Variants in B2M observed in about 807,000 individuals in gnomAD.
B2M encodes beta chain of MHC class I molecules.
Under a neutral mutation model 14.5 loss-of-function variants are expected in B2M, and 3 were observed. The ratio of observed to expected loss-of-function variants is 0.21; its 90% confidence interval spans 0.09 to 0.53. The LOEUF is 0.53. Ranked by LOEUF, B2M falls within the 20% of genes least tolerant of loss-of-function variation. The probability of loss-of-function intolerance (pLI) is 0.95; values close to 1 mark genes in which losing one functional copy is unlikely to be tolerated. For synonymous variants in B2M, 45 were observed against 52.7 expected, an observed-to-expected ratio of 0.85 and a Z score of 0.64; for missense variants, 107 against 140.8, an observed-to-expected ratio of 0.76 and a Z score of 1.21.
chr15:44,715,922 A>G, intron 2 of B2M: 1 of 665,188 alleles, frequency 1.5e-6, no homozygotes, highest in South Asian at 1.8e-5. Flanking sequence ...TTTCTGAACC[A>G]GTAGTTTCCC....
chr15:44,715,502 G>A lies in B2M; in HGVS notation c.147G>A (p.Gly49=), dbSNP rs768464174. 2.5e-6 allele frequency: 4 copies of A among 1,614,134 alleles called. No individual in the cohort carries two copies. The South Asian group carries it at 4.4e-5, about 18-fold the overall frequency. The part of the protein sequence containing the change: ...KSNFLNCYVS[G]FHPSDIEVDL... ...ATTTCCTGAATTGCTATGTGTCTGG[G>A]TTTCATCCATCCGACATTGAAGTTG... Residue 49 remains glycine (G), a synonymous_variant, in exon 2 of 4, where the codon GGG becomes GGA. Transcript: ENST00000648006.
chr15:44,717,705 G>A lies in B2M; in HGVS notation c.*113G>A, dbSNP rs576157768. 6.6e-6 allele frequency: 1 copy of A among 152,200 alleles called. No homozygotes were observed. The highest frequency in any genetic ancestry group is 1.5e-5 in the Non-Finnish European group (1 of 68,072). The allele number at this position is 152,200 out of a possible 1,614,324, so 9.4% of individuals were successfully genotyped here. A position where few individuals can be genotyped will look rare whatever the true frequency, so the allele number is the denominator to read the frequency against. On this transcript the variant is annotated 3_prime_UTR_variant, in exon 4 of 4. Transcript: ENST00000648006. ...TACACTTACACTTTATGCACAAAAT[G>A]TAGGGTTATAATAATGTTAACATGG... is the stretch of plus-strand genomic sequence containing the variant.
At chr15:44,714,958 CAG>C (rs1039527370) in intron 1 of B2M, 1 of 209,968 alleles carries the variant, frequency 4.8e-6, no homozygotes, top group East Asian at 1.3e-4. Flanking sequence ...GGGGTGGAAA[CAG>C]AGTACAATAA....
chr15:44,715,403 C>T lies in B2M; in HGVS notation c.68-20C>T. On this transcript the variant is annotated intron_variant, in intron 1 of 3. Coordinates refer to ENST00000648006, the MANE Select transcript of B2M (RefSeq NM_004048.4). ...AAATACCCTGGCAATATTAATGTGT[C>T]TTTTCCCGATATTCCTCAGGTACTC... 1 of 1,611,186 alleles carries T rather than the reference C, an allele frequency of 6.2e-7. No individual in the cohort carries two copies. Among genetic ancestry groups the T allele is most frequent in the Non-Finnish European group, 8.5e-7 (1 of 1,179,298 alleles).
Position 44,716,511 on chromosome 15 carries a change from C to T in B2M, c.*14+155C>T, listed in dbSNP as rs1596000048. 2.4e-5 allele frequency: 20 copies of T among 833,922 alleles called. No homozygotes were observed. The East Asian group carries it at 2.6e-4, about 11-fold the overall frequency. 51.7% of individuals were successfully genotyped at this position (833,922 alleles called of 1,614,324 possible). A position where few individuals can be genotyped will look rare whatever the true frequency, so the allele number is the denominator to read the frequency against. ...ATCCTACAGGGTCATGTTCCCTTCT[C>T]CTGTGGAGTGGCATGAAGAAGGTGT... is the stretch of plus-strand genomic sequence containing the variant. On this transcript the variant is annotated intron_variant, in intron 3 of 3. Coordinates refer to ENST00000648006, the MANE Select transcript of B2M (RefSeq NM_004048.4).
intron 1 of B2M, chr15:44,714,943 T>A: frequency 2.5e-5 from 5 of 196,544 alleles, no homozygotes; most frequent in Non-Finnish European, 4.2e-5. Context: ...AGAAAAAAAA[T>A]GGAAGGGGTG....
intron 1 of B2M, chr15:44,712,780 C>T (rs375620674): frequency 6.6e-6 from 1 of 152,202 alleles, no homozygotes; most frequent in East Asian, 1.9e-4. Flanking sequence ...GGGAGGATGG[C>T]TTGAGGTCCG....
intron 1 of B2M, chr15:44,714,963 T>G: frequency 1.3e-5 from 3 of 229,576 alleles, no homozygotes; most frequent in South Asian, 5.3e-5. Flanking sequence ...GGAAACAGAG[T>G]ACAATAACAT....
chr15:44,716,457 C>A, intron 3 of B2M, 101 bp downstream of exon 3: 2 of 1,247,634 alleles, frequency 1.6e-6, no homozygotes, highest in Non-Finnish European at 2.3e-6. Context: ...AGAACATTGA[C>A]AGAGTAACAT....
At chr15:44,712,644 C>T (rs1348045015) in intron 1 of B2M, 1 of 152,238 alleles carries the variant, frequency 6.6e-6, no homozygotes, top group African/African-American at 2.4e-5. Context: ...CAGAGGGCTT[C>T]CTCTTTGGCT....
Position 44,711,581 on chromosome 15 carries a change from T to C in B2M, c.35T>C (p.Leu12Pro), listed in dbSNP as rs2141284555. 6.2e-7 allele frequency: 1 copy of C among 1,613,970 alleles called. No homozygotes were observed. The change falls in exon 1 of 4, where the codon CTA becomes CCA. Residue 12 changes from leucine (L) to proline (P), a missense_variant. Leu to Pro is a moderately conservative substitution (Grantham distance 98). Transcript: ENST00000648006. ...SRSVALAVLA[L>P]LSLSGLEAIQ... is the part of the protein sequence containing the mutation. ...TCCGTGGCCTTAGCTGTGCTCGCGC[T>C]ACTCTCTCTTTCTGGCCTGGAGGCT...
intron 1 of B2M, chr15:44,711,869 G>A (rs892522124): frequency 1.6e-6 from 1 of 609,876 alleles, no homozygotes; most frequent in Admixed American, 2.7e-5. Context: ...TACGGCGACG[G>A]GAGGGTCGGG....
chr15:44,711,555 C>T lies in B2M; in HGVS notation c.9C>T (p.Arg3=), dbSNP rs2141284424. 6.2e-7 allele frequency: 1 copy of T among 1,613,874 alleles called. No homozygotes were observed. Among genetic ancestry groups the T allele is most frequent in the South Asian group, 1.1e-5 (1 of 91,088 alleles). Residue 3 remains arginine, a synonymous_variant, in exon 1 of 4, where the codon CGC becomes CGT. Transcript: ENST00000648006. ...ACAGCATTCGGGCCGAGATGTCTCG[C>T]TCCGTGGCCTTAGCTGTGCTCGCGC... MS[R]SVALAVLALL...
At chr15:44,716,246 C>A in intron 2 of B2M, 83 bp from the exon 3 acceptor site, 1 of 1,487,838 alleles carries the variant, frequency 6.7e-7, no homozygotes, top group South Asian at 1.1e-5. Context: ...TATTTCTAAC[C>A]ATTTTAGACA....
intron 1 of B2M, 126 bp downstream of exon 1, chr15:44,711,739 GC>G (rs1221862664): frequency 4.9e-6 from 6 of 1,234,804 alleles, no homozygotes; most frequent in Non-Finnish European, 7.0e-6. Flanking sequence ...CCGCCGTGGG[GC>G]TAGTCCAGGG....
In B2M at chr15:44,718,044, T is replaced by C. The variant is rs2086963342; in HGVS notation, c.*452T>C. 1 of 152,250 alleles carries C rather than the reference T, an allele frequency of 6.6e-6. No individual in the cohort carries two copies. Among genetic ancestry groups the C allele is most frequent in the African/African-American group, 2.4e-5 (1 of 41,464 alleles). 9.4% of individuals were successfully genotyped at this position (152,250 alleles called of 1,614,324 possible). On this transcript the variant is annotated 3_prime_UTR_variant, in exon 4 of 4. Transcript: ENST00000648006. ...ATAATGAATGAAACATTTTGTCATA[T>C]AAGATTCATATTTACTTCTTATACA...
chr15:44,714,979 A>G (rs1055904332), intron 1 of B2M: 1 of 240,542 alleles, frequency 4.2e-6, no homozygotes, highest in African/African-American at 2.3e-5. Flanking sequence ...AACATGAGTA[A>G]TTTGATGGGG....
At position 44,715,569 on chromosome 15, in the gene B2M, T is replaced by G; in HGVS notation, c.214T>G (p.Ser72Ala). 1 of 1,614,172 alleles carries G rather than the reference T, an allele frequency of 6.2e-7. No homozygotes were observed. The highest frequency in any genetic ancestry group is 8.5e-7 in the Non-Finnish European group (1 of 1,180,030). Residue 72 changes from serine to alanine, a missense_variant, in exon 2 of 4, where the codon TCA becomes GCA. Transcript: ENST00000648006. ...AGAGAGAATTGAAAAAGTGGAGCAT[T>G]CAGACTTGTCTTTCAGCAAGGACTG... is the stretch of plus-strand genomic sequence containing the variant. ...NGERIEKVEH[S>A]DLSFSKDWSF...
intron 1 of B2M, 129 bp from the exon 2 acceptor site, chr15:44,715,294 G>A: frequency 8.8e-7 from 1 of 1,130,926 alleles, no homozygotes; most frequent in South Asian, 1.3e-5. Context: ...TTTGGCCAGA[G>A]TGGAAATGGA....
Sources: gnomAD v4.1 joint callset for allele counts on GRCh38, gnomAD v4.1.1 for gene constraint, MANE v1.5 for transcripts, NCBI Gene and HGNC (gene_info 2026-07-23, HGNC 2026-07-21) for gene names.